The following SFXN2 variants were observed in gnomAD, a reference collection of about 807,000 sequenced individuals.
SFXN2 encodes the protein sideroflexin 2.
A neutral mutation model predicts 41.9 loss-of-function variants in SFXN2; 37 were observed. The ratio of observed to expected loss-of-function variants is 0.88; its 90% CI spans 0.68 to 1.16. The LOEUF (loss-of-function observed/expected upper bound fraction) is 1.16, where lower values mean the gene tolerates loss of function less well. SFXN2 is among the 50% of genes most tolerant of loss of function. SFXN2 has a pLI of 0.00. For synonymous variants in SFXN2, 150 were observed against 156.7 expected (o/e 0.96, Z 0.32); for missense variants, 386 against 425.2 (o/e 0.91, Z 0.81).
chr10:102,724,499 C>T (rs976042657), intron 1 of SFXN2, among the ~76,000 whole-genome samples: 2 of 152,092 alleles, frequency 1.3e-5, no homozygotes, highest in Non-Finnish European at 2.9e-5. Context: ...GTCAGGAGAT[C>T]GAGACCATCC....
rs1299644675 is a variant in SFXN2 at position 102,742,629 on chromosome 10, T to C, written c.*4867T>C. On this transcript the variant is annotated 3_prime_UTR_variant, in exon 12 of 12. Coordinates refer to ENST00000369893, the MANE Select transcript of SFXN2 (RefSeq NM_178858.6). The stretch of plus-strand genomic sequence containing the variant: ...CACCACCATGCTTGGCTAATTTGGC[T>C]AATTTAGTTTTTTTATTTTTGTAGA... 1 of 152,014 alleles carries C rather than the reference T, an allele frequency of 6.6e-6. No homozygotes were observed. The highest frequency in any genetic ancestry group is 1.5e-5 in the Non-Finnish European group (1 of 68,032). The allele number at this position is 152,014 out of a possible 1,614,324, so 9.4% of individuals were successfully genotyped here.
At position 102,739,435 on chromosome 10, in the gene SFXN2, A is replaced by G. The variant is rs1335769088; in HGVS notation, c.*1673A>G. ...TGGCAAGCTATGGCTCAAGGGGCCA[A>G]ATCCACCTGCCACCTGTTTTTGTGC... On this transcript the variant is annotated 3_prime_UTR_variant, in exon 12 of 12. Coordinates refer to ENST00000369893, the MANE Select transcript of SFXN2 (RefSeq NM_178858.6). 1.3e-5 allele frequency: 2 copies of G among 152,012 alleles called. No individual in the cohort carries two copies. The highest frequency in any genetic ancestry group is 4.8e-5 in the African/African-American group (2 of 41,376). The allele number at this position is 152,012 out of a possible 1,614,324, so 9.4% of individuals were successfully genotyped here. A position where few individuals can be genotyped will look rare whatever the true frequency, so the allele number is the denominator to read the frequency against.
At chr10:102,718,912 C>T (rs555518345) in intron 1 of SFXN2, among the ~76,000 whole-genome samples, 28 of 138,504 alleles carry the variant, frequency 2.0e-4, no homozygotes, top group Admixed American at 1.6e-3. Context: ...TTCCTTTTCT[C>T]GGCTTCTTTT....
rs1241049257 is a variant in SFXN2 at position 102,733,615 on chromosome 10, A to C, written c.821+12A>C. The C allele has an allele frequency of 6.2e-7, 1 of 1,612,864 alleles. No individual in the cohort carries two copies. The highest frequency in any genetic ancestry group is 8.5e-7 in the Non-Finnish European group (1 of 1,178,872). On this transcript the variant is annotated intron_variant, in intron 10 of 11. Transcript: ENST00000369893. Reference sequence around the variant, plus strand: ...CTGAGCGGGTGCTTGTAAGTATCATATTTTGATGATTTGGGTTCTGCGTGG... The same window carrying C: ...CTGAGCGGGTGCTTGTAAGTATCATCTTTTGATGATTTGGGTTCTGCGTGG...
intron 1 of SFXN2, among the ~76,000 whole-genome samples, chr10:102,721,165 G>A (rs963970994): frequency 3.9e-5 from 6 of 152,126 alleles, no homozygotes; most frequent in African/African-American, 7.2e-5. Flanking sequence ...GAGCCAATTC[G>A]CTAATTCCTT....
intron 1 of SFXN2, among the ~76,000 whole-genome samples, chr10:102,722,326 A>G (rs954016704): frequency 1.3e-5 from 2 of 152,132 alleles, no homozygotes; most frequent in East Asian, 1.9e-4. Flanking sequence ...AAATAACACT[A>G]TACCACTGCA....
chr10:102,739,640 A>C lies in SFXN2; in HGVS notation c.*1878A>C, dbSNP rs2064824701. The C allele has an allele frequency of 6.6e-6, 1 of 152,198 alleles. No homozygotes were observed. The highest frequency in any genetic ancestry group is 1.5e-5 in the Non-Finnish European group (1 of 68,046). The allele number at this position is 152,198 out of a possible 1,614,324, so 9.4% of individuals were successfully genotyped here. On this transcript the variant is annotated 3_prime_UTR_variant, in exon 12 of 12. Coordinates refer to ENST00000369893, the MANE Select transcript of SFXN2 (RefSeq NM_178858.6). ...TTAAGCACATGCATCAACCGGGCGCAGTGGCTCATGCCTGTAATCCCCACA... is the reference window on the plus strand; with the variant it reads ...TTAAGCACATGCATCAACCGGGCGCCGTGGCTCATGCCTGTAATCCCCACA...
Position 102,733,604 on chromosome 10 carries a change from G to A in SFXN2, c.821+1G>A. On this transcript the variant is annotated splice_donor_variant, in intron 10 of 11. Transcript: ENST00000369893. LOFTEE classifies it high-confidence loss of function. ...TGCAGGTCATGCTGAGCGGGTGCTT[G>A]TAAGTATCATATTTTGATGATTTGG... 6.2e-7 allele frequency: 1 copy of A among 1,613,810 alleles called. No individual in the cohort carries two copies. Among genetic ancestry groups the A allele is most frequent in the Non-Finnish European group, 8.5e-7 (1 of 1,179,660 alleles).
intron 11 of SFXN2, among the ~76,000 whole-genome samples, chr10:102,737,420 C>G (rs917201402): frequency 2.0e-5 from 3 of 152,156 alleles, no homozygotes; most frequent in African/African-American, 7.2e-5. Context: ...TGCTAGACAT[C>G]TCTTGTGTCC....
Position 102,726,608 on chromosome 10 carries a change from T to C in SFXN2, c.-25-4T>C, listed in dbSNP as rs754344096. 1.2e-6 allele frequency: 2 copies of C among 1,613,438 alleles called. No individual in the cohort carries two copies. The highest frequency in any genetic ancestry group is 1.1e-5 in the South Asian group (1 of 91,030). On this transcript the variant is annotated splice_region_variant and splice_polypyrimidine_tract_variant and intron_variant, in intron 1 of 11. Coordinates refer to ENST00000369893, the MANE Select transcript of SFXN2 (RefSeq NM_178858.6). ...GACAGTCATCTTCTTCCTTTGTCCC[T>C]TAGGTCCACAGTTTTATGTGTGAGC...
intron 1 of SFXN2, among the ~76,000 whole-genome samples, chr10:102,719,904 A>G (rs2064481340): frequency 6.6e-6 from 1 of 152,212 alleles, no homozygotes; most frequent in African/African-American, 2.4e-5. Flanking sequence ...AAATAAAAGG[A>G]CAAATAGGTA....
Position 102,726,778 on chromosome 10 carries a change from G to C in SFXN2, c.142G>C (p.Val48Leu). The C allele has an allele frequency of 6.2e-7, 1 of 1,614,204 alleles. No individual in the cohort carries two copies. The highest frequency in any genetic ancestry group is 8.5e-7 in the Non-Finnish European group (1 of 1,180,038). The stretch of plus-strand genomic sequence containing the variant: ...TGAGCGGGAGCTGGACTGGGCCAAG[G>C]TGATGGTGGAGAAGAGCAGGTGAGG... ...VSERELDWAK[V>L]MVEKSRMGVV... The change falls in exon 2 of 12, where the codon GTG becomes CTG. Residue 48 changes from valine to leucine, a missense_variant. By Grantham distance (32) the Val-to-Leu change is conservative. Transcript: ENST00000369893.
At chr10:102,729,671 T>G (rs2064670051) in intron 5 of SFXN2, 52 bp from the exon 6 acceptor site, 2 of 1,564,276 alleles carry the variant, frequency 1.3e-6, no homozygotes, top group Non-Finnish European at 1.8e-6. Flanking sequence ...CCCCCTCCCC[T>G]CCCATCTTCC....
At chr10:102,716,409 A>T (rs2064414232) in intron 1 of SFXN2, 1 of 151,738 alleles carries the variant, frequency 6.6e-6, no homozygotes, top group African/African-American at 2.4e-5. Context: ...TGCTTGTAAG[A>T]GGATACCTCA....
chr10:102,733,412 T>A (rs1486990237), intron 9 of SFXN2, 142 bp from the exon 10 acceptor site: 5 of 653,476 alleles, frequency 7.7e-6, no homozygotes, highest in Non-Finnish European at 1.4e-5. Flanking sequence ...TCTCCCAAAG[T>A]GCTGGGATTA....
At chr10:102,717,860 C>T (rs2064440622) in intron 1 of SFXN2, 1 of 917,436 alleles carries the variant, frequency 1.1e-6, no homozygotes, top group Non-Finnish European at 1.3e-6. Context: ...GCTTGTGAGC[C>T]TTACAGTCTG....
chr10:102,735,481 TTCCCCCTCCATGTTGCTCC>T (rs1331414201), intron 10 of SFXN2, among the ~76,000 whole-genome samples: 1 of 130,564 alleles, frequency 7.7e-6, no homozygotes. Flanking sequence ...CATGTCGCTC[TTCCCCCTCCATGTTGCTCC>T]TCCCCCTCCA....
rs1842769333 is a variant in SFXN2, at chr10:102,740,442, G to C, written c.*2680G>C. The C allele has an allele frequency of 1.3e-5, 2 of 152,010 alleles. No homozygotes were observed. Among genetic ancestry groups the C allele is most frequent in the Admixed American group, 6.6e-5 (1 of 15,252 alleles). The allele number at this position is 152,010 out of a possible 1,614,324, so 9.4% of individuals were successfully genotyped here. A position where few individuals can be genotyped will look rare whatever the true frequency, so the allele number is the denominator to read the frequency against. On this transcript the variant is annotated 3_prime_UTR_variant, in exon 12 of 12. Transcript: ENST00000369893. Reference sequence around the variant, plus strand: ...CACTATGTTGCCCCAGGCTGGTCTCGAACTCATGGCCTCAAGTGATCCTCC... The same window carrying C: ...CACTATGTTGCCCCAGGCTGGTCTCCAACTCATGGCCTCAAGTGATCCTCC...
rs1842809076 is a variant in SFXN2, at chr10:102,742,889, T to A, written c.*5127T>A. 6.6e-6 allele frequency: 1 copy of A among 152,198 alleles called. No homozygotes were observed. Among genetic ancestry groups the A allele is most frequent in the Non-Finnish European group, 1.5e-5 (1 of 68,066 alleles). The allele number at this position is 152,198 out of a possible 1,614,324, so 9.4% of individuals were successfully genotyped here. ...AAACTGCAAACCAGGCACGCAGATA[T>A]AAGTGTTACAAGAATCCAGAAGAAG... On this transcript the variant is annotated 3_prime_UTR_variant, in exon 12 of 12. Transcript: ENST00000369893.
Sources: allele counts gnomAD v4.1 joint callset (sites outside exome capture counted in the v4.1 genomes callset), GRCh38; gene constraint gnomAD v4.1.1; transcripts MANE v1.5; gene names NCBI Gene and HGNC (gene_info 2026-07-23, HGNC 2026-07-21).